Variants in AKAP8L observed in about 807,000 individuals in gnomAD.
AKAP8L encodes A-kinase anchor protein 8-like.
Under a neutral mutation model 77.5 loss-of-function variants are expected in AKAP8L, and 34 were observed. The observed-to-expected ratio is 0.44, with a 90% CI of 0.33 to 0.58. The LOEUF (loss-of-function observed/expected upper bound fraction) is 0.58, where lower values mean the gene tolerates loss of function less well. AKAP8L is among the 20% of genes least tolerant of loss of function. AKAP8L has a pLI of 0.02. For synonymous variants in AKAP8L, 342 were observed against 340.7 expected, an observed-to-expected ratio of 1.00 and a Z score of -0.04; for missense variants, 806 against 887.6, an observed-to-expected ratio of 0.91 and a Z score of 1.17.
Position 15,418,897 on chromosome 19 carries a change from C to G in AKAP8L, c.13+14G>C. ...TCCCCCACGCAGAGCCCGACCCCAC[C>G]CTGCCAGGCCCACCTGTGTAGCTCA... On this transcript the variant is annotated intron_variant, in intron 1 of 13. Transcript: ENST00000397410. 6.2e-7 allele frequency: 1 copy of G among 1,601,182 alleles called. No individual in the cohort carries two copies. The highest frequency in any genetic ancestry group is 8.5e-7 in the Non-Finnish European group (1 of 1,178,398).
At chr19:15,406,169 A>C (rs1056113762) in intron 2 of AKAP8L, among the ~76,000 whole-genome samples, 1 of 152,032 alleles carries the variant, frequency 6.6e-6, no homozygotes, top group Non-Finnish European at 1.5e-5. Flanking sequence ...GCAAACACTC[A>C]CTACATGCCA....
chr19:15,401,424 T>C lies in AKAP8L; in HGVS notation c.542A>G (p.Gln181Arg), dbSNP rs772742772. Reference protein sequence around the residue: ...RGNDTFGPRAQGWARDARSGR... With the variant: ...RGNDTFGPRARGWARDARSGR... ...GCTCCGGGCATCCCGGGCCCAGCCC[T>C]GTGCCCTGGGACCGAAGGTGTCGTT... Residue 181 changes from glutamine (Q) to arginine (R), a missense_variant, in exon 5 of 14, where the codon CAG becomes CGG. Gln to Arg is a conservative substitution (Grantham distance 43). Around this residue, in one of 2 missense-constraint regions of AKAP8L, gnomAD observed 580 missense variants for 694.1 expected, o/e 0.84. Transcript: ENST00000397410. The surrounding 1 kb of genome is among the most constrained non-coding windows in gnomAD (Gnocchi z 6.2). 8.7e-6 allele frequency: 14 copies of C among 1,613,424 alleles called. No individual in the cohort carries two copies. The highest frequency in any genetic ancestry group is 1.3e-5 in the African/African-American group (1 of 74,950).
At chr19:15,400,392 G>GA in intron 7 of AKAP8L, 34 bp from the exon 8 acceptor site, 2 of 1,547,802 alleles carry the variant, frequency 1.3e-6, no homozygotes, top group South Asian at 2.4e-5. Flanking sequence ...TAAAACAGGT[G>GA]CCTTTTTTTT....
At chr19:15,385,632 CT>C (rs2145106696) in intron 12 of AKAP8L, among the ~76,000 whole-genome samples, 1 of 152,190 alleles carries the variant, frequency 6.6e-6, no homozygotes, top group African/African-American at 2.4e-5. Context: ...CAGAGTCTTG[CT>C]CTGTTGCCCC....
chr19:15,405,477 G>A (rs1967978291), intron 2 of AKAP8L, among the ~76,000 whole-genome samples: 1 of 151,742 alleles, frequency 6.6e-6, no homozygotes, highest in African/African-American at 2.4e-5. Flanking sequence ...TTGCAGTGAG[G>A]TGAGATCGCG....
chr19:15,404,175 C>T, intron 2 of AKAP8L, 133 bp from the exon 3 acceptor site: 2 of 842,474 alleles, frequency 2.4e-6, no homozygotes, highest in South Asian at 1.7e-5. Context: ...AAGCCTTGAG[C>T]TCGCGAGCAC....
chr19:15,408,085 G>A (rs1348869052), intron 2 of AKAP8L, among the ~76,000 whole-genome samples: 5 of 151,988 alleles, frequency 3.3e-5, no homozygotes, highest in Admixed American at 1.3e-4. Context: ...ATGTGAGGTC[G>A]GGAGTTTGAG....
At position 15,399,550 on chromosome 19, in the gene AKAP8L, G is replaced by A. The variant is rs1039224924; in HGVS notation, c.1049-140C>T. The A allele has an allele frequency of 2.7e-5, 19 of 691,458 alleles. No homozygotes were observed. Among genetic ancestry groups the A allele is most frequent in the Admixed American group, 1.1e-4 (5 of 47,354 alleles). The allele number at this position is 691,458 out of a possible 1,614,324, so 42.8% of individuals were successfully genotyped here. ...GTCCAAGCAAGGCCTCTGGCCATGA[G>A]CAGGGCTGGGTATCCTGGGCTGTGC... On this transcript the variant is annotated intron_variant, in intron 8 of 13. Coordinates refer to ENST00000397410, the MANE Select transcript of AKAP8L (RefSeq NM_014371.4). The surrounding 1 kb of genome is among the most constrained non-coding windows in gnomAD (Gnocchi z 6.1).
At chr19:15,418,890 A>AC (rs34189964) in intron 1 of AKAP8L, 21 bp downstream of exon 1, 1 of 1,598,656 alleles carries the variant, frequency 6.3e-7, no homozygotes, top group East Asian at 2.2e-5. Context: ...GCAGAGCCCG[A>AC]CCCCACCCTG....
chr19:15,410,408 C>G, intron 2 of AKAP8L, 112 bp downstream of exon 2: 2 of 899,006 alleles, frequency 2.2e-6, no homozygotes, highest in Non-Finnish European at 1.7e-6. Flanking sequence ...CCATTTCACA[C>G]AAGTTTAGGT....
At chr19:15,405,540 A>C (rs538975687) in intron 2 of AKAP8L, among the ~76,000 whole-genome samples, 1 of 152,180 alleles carries the variant, frequency 6.6e-6, no homozygotes, top group African/African-American at 2.4e-5. Context: ...AAAAAAAAAA[A>C]AATAGAACAA....
intron 12 of AKAP8L, among the ~76,000 whole-genome samples, chr19:15,387,305 C>T (rs1010101186): frequency 2.0e-5 from 3 of 152,162 alleles, no homozygotes; most frequent in Non-Finnish European, 4.4e-5. Context: ...AGTGAGAGCA[C>T]GGCCTTAAAT....
At position 15,398,207 on chromosome 19, in the gene AKAP8L, G is replaced by A. The variant is rs901591117; in HGVS notation, c.1158-352C>T. The A allele has an allele frequency of 4.6e-5, 15 of 323,248 alleles. No homozygotes were observed. Among genetic ancestry groups the A allele is most frequent in the Non-Finnish European group, 7.1e-5 (12 of 169,280 alleles). The allele number at this position is 323,248 out of a possible 1,614,324, so 20.0% of individuals were successfully genotyped here. A position where few individuals can be genotyped will look rare whatever the true frequency, so the allele number is the denominator to read the frequency against. On this transcript the variant is annotated intron_variant, in intron 9 of 13. Coordinates refer to ENST00000397410, the MANE Select transcript of AKAP8L (RefSeq NM_014371.4). The surrounding 1 kb of genome is among the most constrained non-coding windows in gnomAD (Gnocchi z 9.2). ...AGGAGCGTGTGCACTTGGCCCAGGT[G>A]GGGACCGGAAGGAAGGATGCCCTGG...
intron 1 of AKAP8L, among the ~76,000 whole-genome samples, chr19:15,415,811 G>A (rs760727033): frequency 9.2e-5 from 14 of 151,920 alleles, no homozygotes; most frequent in Admixed American, 6.6e-5. Context: ...GCATGAACCT[G>A]GGAGGCGGAG....
rs370987569 is a variant in AKAP8L, at chr19:15,400,172, G to A, written c.1048+123C>T. ...GAAAGCCCCCTGCCAGCACACACTC[G>A]GGCCCACAAGGGAGGTCCCCAACTG... On this transcript the variant is annotated intron_variant, in intron 8 of 13. Coordinates refer to ENST00000397410, the MANE Select transcript of AKAP8L (RefSeq NM_014371.4). 68 of 962,434 alleles carry A rather than the reference G, an allele frequency of 7.1e-5. No individual in the cohort carries two copies. In the East Asian group the frequency reaches 1.2e-3, roughly 17 times the overall value. 59.6% of individuals were successfully genotyped at this position (962,434 alleles called of 1,614,324 possible). A position where few individuals can be genotyped will look rare whatever the true frequency, so the allele number is the denominator to read the frequency against.
chr19:15,400,517 A>G, intron 7 of AKAP8L, 159 bp from the exon 8 acceptor site: 3 of 775,596 alleles, frequency 3.9e-6, no homozygotes, highest in Non-Finnish European at 6.1e-6. Flanking sequence ...TAGCCCAGTT[A>G]TTTACAATGG....
chr19:15,412,688 C>T (rs1030547528), intron 1 of AKAP8L, among the ~76,000 whole-genome samples: 13 of 152,250 alleles, frequency 8.5e-5, no homozygotes, highest in Non-Finnish European at 1.6e-4. Flanking sequence ...ACTACAGGCG[C>T]GTGCCACCAT....
Position 15,397,305 on chromosome 19 carries a change from C to T in AKAP8L, c.1406-25G>A, listed in dbSNP as rs1252642120. On this transcript the variant is annotated intron_variant, in intron 11 of 13. Transcript: ENST00000397410. The surrounding 1 kb of genome is among the most constrained non-coding windows in gnomAD (Gnocchi z 4.7). ...TCTGTAGTGGGGAGGAGGGAGTCAC[C>T]ACTGGGCCCAGGTGCCTAAGATAGA... The T allele has an allele frequency of 6.2e-7, 1 of 1,613,366 alleles. No individual in the cohort carries two copies. The highest frequency in any genetic ancestry group is 1.1e-5 in the South Asian group (1 of 91,066).
At chr19:15,386,885 C>T (rs1967549948) in intron 12 of AKAP8L, among the ~76,000 whole-genome samples, 1 of 152,162 alleles carries the variant, frequency 6.6e-6, no homozygotes, top group African/African-American at 2.4e-5. Context: ...TCTTGAACTC[C>T]TGACCTCAGG....
Sources: gnomAD v4.1 joint callset for allele counts (sites outside exome capture counted in the v4.1 genomes callset) on GRCh38, gnomAD v4.1.1 for gene constraint, gnomAD v4.1.1 regional missense constraint, Gnocchi (gnomAD v3.1) non-coding constraint, MANE v1.5 for transcripts, NCBI Gene and HGNC (gene_info 2026-07-23, HGNC 2026-07-21) for gene names.